The following BAIAP2L1 variants were observed in gnomAD, a reference collection of about 807,000 sequenced individuals.
The protein encoded by BAIAP2L1 is BAR/IMD domain-containing adapter protein 2-like 1.
In BAIAP2L1, 35 loss-of-function variants were observed where a neutral mutation model predicts 66.3. The observed-to-expected ratio is 0.53, with a 90% CI of 0.40 to 0.70. The LOEUF (loss-of-function observed/expected upper bound fraction) is 0.70. Among genes scored for constraint, BAIAP2L1 ranks in the 30% least tolerant of loss-of-function variants. The probability of loss-of-function intolerance (pLI) is 0.00; values close to 1 mark genes in which losing one functional copy is unlikely to be tolerated. For missense variants in BAIAP2L1, 622 were observed against 656.9 expected, an observed-to-expected ratio of 0.95 and a Z score of 0.58; for synonymous variants, 269 against 248.7, an observed-to-expected ratio of 1.08 and a Z score of -0.77.
At chr7:98,377,887 G>A (rs1802670668) in intron 1 of BAIAP2L1, among the ~76,000 whole-genome samples, 1 of 150,590 alleles carries the variant, frequency 6.6e-6, no homozygotes, top group Non-Finnish European at 1.5e-5. Flanking sequence ...CAGCACTTTG[G>A]GAGGCCGAGA....
intron 12 of BAIAP2L1, among the ~76,000 whole-genome samples, chr7:98,301,822 G>GT (rs1203763613): frequency 6.6e-6 from 1 of 152,214 alleles, no homozygotes; most frequent in Non-Finnish European, 1.5e-5. Context: ...AAGCTCGCGG[G>GT]TGTGAGCTGA....
intron 5 of BAIAP2L1, among the ~76,000 whole-genome samples, chr7:98,318,481 C>T (rs1282252481): frequency 6.6e-6 from 1 of 151,936 alleles, no homozygotes; most frequent in Non-Finnish European, 1.5e-5. Flanking sequence ...CAGGTTTCAC[C>T]ATGTCAGCCA....
chr7:98,382,158 G>A (rs1264404207), intron 1 of BAIAP2L1, among the ~76,000 whole-genome samples: 6 of 151,970 alleles, frequency 3.9e-5, no homozygotes, highest in Admixed American at 6.6e-5. Flanking sequence ...TCCTGACCTC[G>A]TGATCCGCCT....
rs373723493 is a variant in BAIAP2L1 at position 98,292,674 on chromosome 7, TGA to T, written c.*845_*846del. 2.3e-4 allele frequency: 362 copies of T among 1,551,620 alleles called. 1 individual carries two copies. In the African/African-American group the frequency reaches 4.0e-3, roughly 17 times the overall value. On this transcript the variant is annotated 3_prime_UTR_variant, in exon 14 of 14. Coordinates refer to ENST00000005260, the MANE Select transcript of BAIAP2L1 (RefSeq NM_018842.5). ...TCATCCTGGCTTTACACGTATCCTT[TGA>T]GAGTCTGTACCTGATTCAAACACGG...
intron 1 of BAIAP2L1, among the ~76,000 whole-genome samples, chr7:98,378,554 TCTTTA>T (rs1035533621): frequency 3.9e-5 from 6 of 152,236 alleles, no homozygotes; most frequent in Admixed American, 2.0e-4. Context: ...GGCTTCTCTT[TCTTTA>T]AAGTACTTAT....
chr7:98,298,922 G>A (rs181692324), intron 12 of BAIAP2L1, among the ~76,000 whole-genome samples: 46 of 152,102 alleles, frequency 3.0e-4, no homozygotes, highest in African/African-American at 1.1e-3. Context: ...GCTCACTGCA[G>A]CCTCGACCTC....
intron 2 of BAIAP2L1, among the ~76,000 whole-genome samples, chr7:98,362,124 G>A (rs1380372015): frequency 6.6e-6 from 1 of 152,012 alleles, no homozygotes; most frequent in South Asian, 2.1e-4. Flanking sequence ...TAGAAAGCAC[G>A]GTTTTATAGT....
At chr7:98,382,864 C>T (rs940883502) in intron 1 of BAIAP2L1, among the ~76,000 whole-genome samples, 4 of 152,188 alleles carry the variant, frequency 2.6e-5, no homozygotes, top group Non-Finnish European at 4.4e-5. Context: ...ATCATTTCTT[C>T]AAATTCCTAC....
rs560261971 is a variant in BAIAP2L1, at chr7:98,332,594, C to T, written c.215-12296G>A. 4.3e-4 allele frequency among the ~76,000 whole-genome samples: 64 copies of T among 150,582 alleles called. No individual in the cohort carries two copies. In the Middle Eastern group the frequency reaches 0.01, roughly 24 times the overall value. ...GGAGGCCAAGGCAGGCGAATCACAA[C>T]GTCAGGAGTTCGAGACCAGGCTGGC... On this transcript the variant is annotated intron_variant, in intron 3 of 13. Transcript: ENST00000005260.
rs771874091 is a variant in BAIAP2L1 at position 98,315,600 on chromosome 7, C to A, written c.499G>T (p.Val167Phe). 1 of 1,396,656 alleles carries A rather than the reference C, an allele frequency of 7.2e-7. No homozygotes were observed. The highest frequency in any genetic ancestry group is 1.9e-5 in the South Asian group (1 of 53,732). The allele number at this position is 1,396,656 out of a possible 1,614,324, so 86.5% of individuals were successfully genotyped here. Residue 167 changes from valine to phenylalanine, a missense_variant, in exon 7 of 14, where the codon GTT becomes TTT. Coordinates refer to ENST00000005260, the MANE Select transcript of BAIAP2L1 (RefSeq NM_018842.5). ...TGGATTTCACTCTGACGAGAAGTAA[C>A]GGTCTCCACATACTAAAAAAAAAAA... ...EHKEIEYVET[V>F]TSRQSEIQKF...
chr7:98,364,146 G>A (rs536037076), intron 1 of BAIAP2L1, among the ~76,000 whole-genome samples: 9 of 152,110 alleles, frequency 5.9e-5, no homozygotes, highest in Admixed American at 5.9e-4. Context: ...TATGCAATTA[G>A]ATGGCAATTT....
At chr7:98,386,768 C>T (rs1802903653) in intron 1 of BAIAP2L1, among the ~76,000 whole-genome samples, 1 of 131,668 alleles carries the variant, frequency 7.6e-6, no homozygotes, top group African/African-American at 2.9e-5. Context: ...GGTGCCACTT[C>T]AGCTCACTGC....
chr7:98,397,007 CA>C (rs1483172436), intron 1 of BAIAP2L1, among the ~76,000 whole-genome samples: 1 of 152,106 alleles, frequency 6.6e-6, no homozygotes, highest in African/African-American at 2.4e-5. Flanking sequence ...GCTTGGAATA[CA>C]AAAACAAAAA....
intron 1 of BAIAP2L1, 75 bp downstream of exon 1, chr7:98,400,727 T>C: frequency 6.7e-7 from 1 of 1,495,394 alleles, no homozygotes; most frequent in South Asian, 1.2e-5. Context: ...GGAAAGTACC[T>C]TCCCGCGTAA....
At chr7:98,400,300 G>T in intron 1 of BAIAP2L1, 1 of 22,988 alleles carries the variant, frequency 4.4e-5, no homozygotes. Context: ...GAAGGGCCAG[G>T]AGAGGAGGGG....
Position 98,317,456 on chromosome 7 carries a change from C to G in BAIAP2L1, c.349-100G>C, listed in dbSNP as rs866287799. On this transcript the variant is annotated intron_variant, in intron 5 of 13. Coordinates refer to ENST00000005260, the MANE Select transcript of BAIAP2L1 (RefSeq NM_018842.5). ...TTCCACTGTGTGTGGCTCAACGGGG[C>G]CCTGACACCCTCACTTCACACCATC... 1.2e-4 allele frequency: 173 copies of G among 1,432,652 alleles called. 3 individuals carry two copies. In the Middle Eastern group the frequency reaches 7.1e-3, roughly 59 times the overall value. The allele number at this position is 1,432,652 out of a possible 1,614,324, so 88.7% of individuals were successfully genotyped here.
chr7:98,296,823 C>A (rs1420747203), intron 12 of BAIAP2L1, among the ~76,000 whole-genome samples: 2 of 152,232 alleles, frequency 1.3e-5, no homozygotes, highest in Non-Finnish European at 2.9e-5. Flanking sequence ...AGGGCAGGGG[C>A]TTGGCACATA....
At chr7:98,361,011 T>C (rs935226449) in intron 2 of BAIAP2L1, among the ~76,000 whole-genome samples, 1 of 151,796 alleles carries the variant, frequency 6.6e-6, no homozygotes, top group South Asian at 2.1e-4. Flanking sequence ...TGAGCGAGAG[T>C]GAGGCCACAG....
chr7:98,308,014 C>T lies in BAIAP2L1; in HGVS notation c.956-118G>A, dbSNP rs181295433. On this transcript the variant is annotated intron_variant, in intron 9 of 13. Transcript: ENST00000005260. ...CATCTTGCCAACAATGCTCCTTCCA[C>T]GGAAACTGACCCTGTCCTATTTCCT... 102 of 957,692 alleles carry T rather than the reference C, an allele frequency of 1.1e-4. No individual in the cohort carries two copies. In the East Asian group the frequency reaches 1.4e-3, roughly 13 times the overall value. 59.3% of individuals were successfully genotyped at this position (957,692 alleles called of 1,614,324 possible). A position where few individuals can be genotyped will look rare whatever the true frequency, so the allele number is the denominator to read the frequency against.
Sources: allele counts gnomAD v4.1 joint callset (sites outside exome capture counted in the v4.1 genomes callset), GRCh38; gene constraint gnomAD v4.1.1; transcripts MANE v1.5; gene names NCBI Gene and HGNC (gene_info 2026-07-23, HGNC 2026-07-21).